Variants in FGF13 observed in about 807,000 individuals in gnomAD.
FGF13 encodes fibroblast growth factor homologous factor 2.
In FGF13, 2 loss-of-function variants were observed where a neutral mutation model predicts 19.5. The ratio of observed to expected loss-of-function variants is 0.10; its 90% confidence interval spans 0.04 to 0.32. FGF13 has a LOEUF of 0.32. Among genes scored for constraint, FGF13 ranks in the 10% least tolerant of loss-of-function variants. The probability of loss-of-function intolerance (pLI) is 1.00; values close to 1 mark genes in which losing one functional copy is unlikely to be tolerated. For missense variants in FGF13, 113 were observed against 192.7 expected, an observed-to-expected ratio of 0.59 and a Z score of 2.45; for synonymous variants, 72 against 76.9, an observed-to-expected ratio of 0.94 and a Z score of 0.33.
chrX:139,202,303 G>A (rs1162364130), intron 1 of FGF13, among the ~76,000 whole-genome samples: 1 of 112,017 alleles, frequency 8.9e-6, no homozygotes, highest in African/African-American at 3.2e-5. Flanking sequence ...GACGTGCCTA[G>A]ATCAATCTGG....
intron 1 of FGF13, among the ~76,000 whole-genome samples, chrX:138,896,306 G>T (rs1030139627): frequency 1.8e-5 from 2 of 110,975 alleles, no homozygotes; most frequent in African/African-American, 6.6e-5. Flanking sequence ...AATACTACTT[G>T]TCAATTTAAA....
chrX:138,790,903 G>C (rs2090737714), intron 3 of FGF13, among the ~76,000 whole-genome samples: 1 of 112,231 alleles, frequency 8.9e-6, no homozygotes, highest in African/African-American at 3.2e-5. Flanking sequence ...CATAAGGCTG[G>C]TGTACTCAAG....
chrX:138,884,122 A>G (rs759881648), intron 1 of FGF13, among the ~76,000 whole-genome samples: 2 of 111,930 alleles, frequency 1.8e-5, no homozygotes, highest in African/African-American at 3.2e-5. Flanking sequence ...AATTAAGGCA[A>G]GAGACAGGGC....
At chrX:138,954,949 C>G (rs1436158105) in intron 1 of FGF13, among the ~76,000 whole-genome samples, 1 of 112,004 alleles carries the variant, frequency 8.9e-6, no homozygotes, top group African/African-American at 3.2e-5. Flanking sequence ...ATAAGAAGTT[C>G]CAAGACTGAA....
At chrX:139,153,703 T>C (rs781174949) in intron 1 of FGF13, among the ~76,000 whole-genome samples, 1 of 112,067 alleles carries the variant, frequency 8.9e-6, no homozygotes, top group East Asian at 2.8e-4. Flanking sequence ...TACCTGTGAA[T>C]GTGACTTTAT....
rs2089962354 is a variant in FGF13 at position 138,703,007 on chromosome X, T to C, written c.379A>G (p.Ser127Gly). 2.5e-6 allele frequency: 3 copies of C among 1,206,948 alleles called. No homozygotes were observed. The highest frequency in any genetic ancestry group is 1.8e-5 in the South Asian group (1 of 56,899). The change falls in exon 3 of 5, where the codon AGT (serine) becomes GGT (glycine). Residue 127 changes from serine (S) to glycine (G), a missense_variant. Physicochemically the swap from Ser to Gly is moderately conservative, Grantham distance 56. Transcript: ENST00000315930. Reference protein sequence around the residue: ...VQTKLYLAMNSEGYLYTSELF... With the variant: ...VQTKLYLAMNGEGYLYTSELF... ...ACCGAGGTGTACAAGTATCCCTCAC[T>C]GTTCATTGCCAAGTACAGCTTGGTT... is the stretch of plus-strand genomic sequence containing the variant.
At chrX:139,111,580 G>T in intron 1 of FGF13, among the ~76,000 whole-genome samples, 1 of 111,672 alleles carries the variant, frequency 9.0e-6, no homozygotes, top group East Asian at 2.8e-4. Context: ...CTATTTTATA[G>T]GATTCCAGTA....
intron 1 of FGF13, among the ~76,000 whole-genome samples, chrX:138,969,418 G>C (rs1037423773): frequency 2.7e-4 from 30 of 111,573 alleles, no homozygotes; most frequent in Admixed American, 1.0e-3. Flanking sequence ...CTGGTTTCTA[G>C]GTTTTGGATT....
chrX:138,930,117 G>C (rs2091694790), intron 1 of FGF13, among the ~76,000 whole-genome samples: 1 of 111,413 alleles, frequency 9.0e-6, no homozygotes. Flanking sequence ...AAGCCAGCAG[G>C]GTATTGGTTG....
intron 3 of FGF13, among the ~76,000 whole-genome samples, chrX:138,765,174 T>G (rs2090494232): frequency 8.9e-6 from 1 of 112,197 alleles, no homozygotes; most frequent in Non-Finnish European, 1.9e-5. Context: ...CATGTAATGT[T>G]CACAGCAGTC....
chrX:138,928,320 T>C lies in FGF13; in HGVS notation c.-112-63670A>G, dbSNP rs765626733. ...ATTTATAAATTTTAAAATTAAATAATTTAAATATTTTAAAGTAAGCAATAG... is the reference window on the plus strand; with the variant it reads ...ATTTATAAATTTTAAAATTAAATAACTTAAATATTTTAAAGTAAGCAATAG... On this transcript the variant is annotated intron_variant, in intron 1 of 2. Transcript: ENST00000421460. 2.2e-4 allele frequency among the ~76,000 whole-genome samples: 24 copies of C among 110,422 alleles called. No individual in the cohort carries two copies. The East Asian group carries it at 6.4e-3, about 30-fold the overall frequency.
chrX:139,136,801 A>C (rs1157200866), intron 1 of FGF13, among the ~76,000 whole-genome samples: 1 of 112,103 alleles, frequency 8.9e-6, no homozygotes, highest in Non-Finnish European at 1.9e-5. Context: ...TCTGCCAAGC[A>C]CATACCAAAA....
chrX:139,154,432 AT>A (rs1374814166), intron 1 of FGF13, among the ~76,000 whole-genome samples: 4 of 112,046 alleles, frequency 3.6e-5, no homozygotes, highest in Non-Finnish European at 7.5e-5. Context: ...CAACATATCA[AT>A]TGTCTAAAGA....
chrX:138,918,209 T>G (rs1044889608), intron 1 of FGF13, among the ~76,000 whole-genome samples: 7 of 111,752 alleles, frequency 6.3e-5, no homozygotes, highest in African/African-American at 2.3e-4. Flanking sequence ...TTCAGTATTA[T>G]TTTAATGCAG....
chrX:138,692,753 T>A (rs2089852593), intron 3 of FGF13, among the ~76,000 whole-genome samples: 1 of 111,369 alleles, frequency 9.0e-6, no homozygotes, highest in African/African-American at 3.3e-5. Context: ...CCCTTACATC[T>A]GGCTTTACTT....
chrX:138,849,376 A>G (rs1399052296), intron 3 of FGF13, among the ~76,000 whole-genome samples: 2 of 112,228 alleles, frequency 1.8e-5, no homozygotes, highest in African/African-American at 6.5e-5. Flanking sequence ...TCAGTGTTGC[A>G]TGAAATATTA....
At chrX:138,697,720 A>G (rs2089909124) in intron 3 of FGF13, among the ~76,000 whole-genome samples, 1 of 111,567 alleles carries the variant, frequency 9.0e-6, no homozygotes, top group Non-Finnish European at 1.9e-5. Context: ...AATAAAAAAA[A>G]TAATAGTAAT....
intron 1 of FGF13, among the ~76,000 whole-genome samples, chrX:139,091,571 A>C (rs2083440344): frequency 9.0e-6 from 1 of 111,682 alleles, no homozygotes; most frequent in African/African-American, 3.3e-5. Flanking sequence ...ACAAGTCATG[A>C]GCACATGAAT....
intron 3 of FGF13, among the ~76,000 whole-genome samples, chrX:138,652,478 T>C (rs1227377074): frequency 8.9e-6 from 1 of 112,147 alleles, no homozygotes; most frequent in African/African-American, 3.2e-5. Context: ...CATGGTACTC[T>C]ATTCCTGACA....
Sources: gnomAD v4.1 joint callset for allele counts (sites outside exome capture counted in the v4.1 genomes callset) on GRCh38, gnomAD v4.1.1 for gene constraint, MANE v1.5 for transcripts, NCBI Gene and HGNC (gene_info 2026-07-23, HGNC 2026-07-21) for gene names.